The following PANK2 variants were observed in gnomAD, a reference collection of about 807,000 sequenced individuals.
The protein encoded by PANK2 is pantothenate kinase 2, mitochondrial.
In PANK2, 36 loss-of-function variants were observed where a neutral mutation model predicts 43.1. The observed-to-expected ratio is 0.84, with a 90% confidence interval of 0.64 to 1.10. The LOEUF (loss-of-function observed/expected upper bound fraction) is 1.10. Ranked by LOEUF, PANK2 falls within the 50% of genes least tolerant of loss-of-function variation. PANK2 has a pLI of 0.00. For synonymous variants in PANK2, 281 were observed against 238.2 expected, an observed-to-expected ratio of 1.18 and a Z score of -1.66; for missense variants, 576 against 593.3, an observed-to-expected ratio of 0.97 and a Z score of 0.30.
intron 1 of PANK2, among the ~76,000 whole-genome samples, chr20:3,903,097 C>G (rs959305236): frequency 2.0e-5 from 3 of 151,334 alleles, no homozygotes; most frequent in Non-Finnish European, 4.4e-5. Flanking sequence ...CTCTCAAGCC[C>G]ATGATTTGCT....
chr20:3,927,483 G>A lies in PANK2; in HGVS notation c.*4189G>A, dbSNP rs2090740509. On this transcript the variant is annotated 3_prime_UTR_variant, in exon 7 of 7. Coordinates refer to ENST00000610179, the MANE Select transcript of PANK2 (RefSeq NM_001386393.1). Reference sequence around the variant, plus strand: ...AATATTCTGCTGCAGAATTTTTAGTGTACAAAGACGTCTATGAAACCTGAG... The same window carrying A: ...AATATTCTGCTGCAGAATTTTTAGTATACAAAGACGTCTATGAAACCTGAG... 1.3e-5 allele frequency: 2 copies of A among 152,272 alleles called. No homozygotes were observed. The highest frequency in any genetic ancestry group is 4.2e-4 in the South Asian group (2 of 4,814). The allele number at this position is 152,272 out of a possible 1,614,324, so 9.4% of individuals were successfully genotyped here. A position where few individuals can be genotyped will look rare whatever the true frequency, so the allele number is the denominator to read the frequency against.
chr20:3,907,716 A>G (rs1012415383), intron 1 of PANK2, among the ~76,000 whole-genome samples: 1 of 151,978 alleles, frequency 6.6e-6, no homozygotes, highest in Non-Finnish European at 1.5e-5. Context: ...CAATACTTTG[A>G]TATTTTTCTT....
intron 1 of PANK2, among the ~76,000 whole-genome samples, chr20:3,892,889 C>T (rs2090146873): frequency 6.6e-6 from 1 of 152,070 alleles, no homozygotes; most frequent in South Asian, 2.1e-4. Flanking sequence ...GAATCCCTAG[C>T]GATGAGGCTA....
chr20:3,893,360 A>G (rs2090154198), intron 1 of PANK2, among the ~76,000 whole-genome samples: 1 of 152,226 alleles, frequency 6.6e-6, no homozygotes, highest in South Asian at 2.1e-4. Context: ...ATTGCATGAT[A>G]TAGGTCTGCA....
At chr20:3,923,069 C>G (rs1219351576) in intron 6 of PANK2, among the ~76,000 whole-genome samples, 175 bp from the exon 7 acceptor site, 1 of 152,232 alleles carries the variant, frequency 6.6e-6, no homozygotes, top group Non-Finnish European at 1.5e-5. Flanking sequence ...CCTCCCCAGA[C>G]AGGGACTCCT....
chr20:3,915,782 A>T (rs2090550568), intron 4 of PANK2, among the ~76,000 whole-genome samples: 1 of 152,104 alleles, frequency 6.6e-6, no homozygotes, highest in Admixed American at 6.6e-5. Flanking sequence ...AAATTAGTTG[A>T]CCATAGATGT....
In PANK2 at chr20:3,923,476, A is replaced by G. The variant is rs538522396; in HGVS notation, c.*182A>G. The stretch of plus-strand genomic sequence containing the variant: ...ATTCAGTCTAAATTAGCAACCAGGA[A>G]GGAAAAATATATTAAAAACAACAAA... On this transcript the variant is annotated 3_prime_UTR_variant, in exon 7 of 7. Transcript: ENST00000610179. The G allele has an allele frequency of 3.9e-5, 26 of 666,120 alleles. No individual in the cohort carries two copies. The South Asian group carries it at 4.6e-4, about 12-fold the overall frequency. 41.3% of individuals were successfully genotyped at this position (666,120 alleles called of 1,614,324 possible).
At chr20:3,917,688 C>A (rs1044435910) in intron 5 of PANK2, 5 of 201,608 alleles carry the variant, frequency 2.5e-5, no homozygotes, top group African/African-American at 1.2e-4. Context: ...AGAAGTTATT[C>A]TTTAGATAAT....
chr20:3,923,457 T>C lies in PANK2; in HGVS notation c.*163T>C. The C allele has an allele frequency of 1.3e-6, 1 of 764,644 alleles. No individual in the cohort carries two copies. The highest frequency in any genetic ancestry group is 1.8e-5 in the African/African-American group (1 of 56,704). 47.4% of individuals were successfully genotyped at this position (764,644 alleles called of 1,614,324 possible). A position where few individuals can be genotyped will look rare whatever the true frequency, so the allele number is the denominator to read the frequency against. ...TCAAGATAAATCCTTAAGAATTCAG[T>C]CTAAATTAGCAACCAGGAAGGAAAA... On this transcript the variant is annotated 3_prime_UTR_variant, in exon 7 of 7. Transcript: ENST00000610179.
At chr20:3,912,879 G>A (rs1162604989) in intron 4 of PANK2, among the ~76,000 whole-genome samples, 28 of 144,786 alleles carry the variant, frequency 1.9e-4, no homozygotes, top group African/African-American at 6.6e-4. Context: ...GAACCCTGGA[G>A]GTGGAGGGTG....
intron 1 of PANK2, 195 bp downstream of exon 1, chr20:3,889,923 G>A: frequency 5.9e-6 from 9 of 1,531,316 alleles, no homozygotes; most frequent in Non-Finnish European, 7.0e-6. Flanking sequence ...GGGCCCCCCC[G>A]CACCCATTGG....
intron 4 of PANK2, among the ~76,000 whole-genome samples, chr20:3,913,936 C>T (rs35571490): frequency 6.6e-6 from 1 of 151,326 alleles, no homozygotes; most frequent in African/African-American, 2.4e-5. Context: ...CTACAGGTGC[C>T]TGCCACCACG....
chr20:3,889,137 TG>T (rs766448021), upstream of PANK2: 1 of 1,565,184 alleles, frequency 6.4e-7, no homozygotes. Flanking sequence ...ACGCGTCCAT[TG>T]GGCGGCGCCG....
intron 1 of PANK2, among the ~76,000 whole-genome samples, chr20:3,906,973 A>G (rs1315484403): frequency 1.3e-5 from 2 of 151,214 alleles, no homozygotes; most frequent in Admixed American, 1.3e-4. Context: ...TGATTTCTGT[A>G]TTTTTAGTAG....
At chr20:3,914,042 G>A (rs530167570) in intron 4 of PANK2, among the ~76,000 whole-genome samples, 8 of 151,994 alleles carry the variant, frequency 5.3e-5, no homozygotes, top group East Asian at 1.9e-4. Context: ...GCCCGCCTTG[G>A]CCTCCCAAAG....
At chr20:3,896,485 A>G (rs941718947) in intron 1 of PANK2, among the ~76,000 whole-genome samples, 1 of 152,118 alleles carries the variant, frequency 6.6e-6, no homozygotes, top group Non-Finnish European at 1.5e-5. Flanking sequence ...GAAACTCCAC[A>G]GTGATGTCCT....
intron 1 of PANK2, among the ~76,000 whole-genome samples, chr20:3,899,690 T>C (rs2090268481): frequency 6.7e-6 from 1 of 148,998 alleles, no homozygotes; most frequent in Non-Finnish European, 1.5e-5. Flanking sequence ...GGCTATTACA[T>C]TCATCAGTTG....
At chr20:3,894,538 C>A (rs749368363) in intron 1 of PANK2, among the ~76,000 whole-genome samples, 2 of 151,974 alleles carry the variant, frequency 1.3e-5, no homozygotes, top group Non-Finnish European at 2.9e-5. Context: ...CCGCACCTGG[C>A]CTGAAGGTGT....
intron 1 of PANK2, among the ~76,000 whole-genome samples, chr20:3,894,289 G>A (rs937657418): frequency 6.6e-6 from 1 of 151,424 alleles, no homozygotes. Context: ...TGCCCAGGCT[G>A]GAGTGCAATG....
Sources: gnomAD v4.1 joint callset for allele counts (sites outside exome capture counted in the v4.1 genomes callset) on GRCh38, gnomAD v4.1.1 for gene constraint, MANE v1.5 for transcripts, NCBI Gene and HGNC (gene_info 2026-07-23, HGNC 2026-07-21) for gene names.